Variants in CDH22 observed in about 807,000 individuals in gnomAD.
CDH22 encodes cadherin-22.
CDH22 carries 30 observed loss-of-function variants against 58.4 expected under a neutral mutation model. The observed-to-expected ratio is 0.51, with a 90% CI of 0.38 to 0.70. The LOEUF (loss-of-function observed/expected upper bound fraction) is 0.70, where lower values mean the gene tolerates loss of function less well. Among genes scored for constraint, CDH22 ranks in the 30% least tolerant of loss-of-function variants. CDH22 has a pLI of 0.00. For missense variants in CDH22, 1,014 were observed against 1,233.9 expected (o/e 0.82, Z 2.67); for synonymous variants, 513 against 558.2 (o/e 0.92, Z 1.14).
chr20:46,176,184 C>T (rs983915639), intron 11 of CDH22, among the ~76,000 whole-genome samples: 1 of 152,156 alleles, frequency 6.6e-6, no homozygotes, highest in Non-Finnish European at 1.5e-5. Flanking sequence ...TGTCCATGCT[C>T]CCTCTCTTGG....
chr20:46,269,912 G>T (rs1000089059), intron 1 of CDH22, among the ~76,000 whole-genome samples: 38 of 152,180 alleles, frequency 2.5e-4, no homozygotes, highest in African/African-American at 8.9e-4. Flanking sequence ...GCTGAGGTCT[G>T]ATTCATCTCC....
intron 1 of CDH22, among the ~76,000 whole-genome samples, chr20:46,289,077 T>C (rs1007112840): frequency 5.9e-5 from 9 of 152,208 alleles, no homozygotes; most frequent in Non-Finnish European, 1.3e-4. Context: ...TCTCCCTCTA[T>C]TTCAGCCACA....
chr20:46,225,015 C>T (rs2086160728), intron 4 of CDH22, among the ~76,000 whole-genome samples: 1 of 152,206 alleles, frequency 6.6e-6, no homozygotes, highest in Non-Finnish European at 1.5e-5. Context: ...AGCAGCAGCC[C>T]AAGGGATCTT....
chr20:46,208,321 C>A (rs924105796), intron 7 of CDH22, among the ~76,000 whole-genome samples: 6 of 152,198 alleles, frequency 3.9e-5, no homozygotes, highest in Non-Finnish European at 7.4e-5. Context: ...ATACTTACAG[C>A]TCCCAGACCC....
Position 46,174,864 on chromosome 20 carries a change from G to T in CDH22, c.2129C>A (p.Ala710Glu). ...GDGGGSAGGG[A>E]GGGSGGGAGS... ...CGCGCCCCCGCCCGAGCCCCCGCCCGCTCCCCCGCCCGCGCTGCCGCCCCC... is the reference window on the plus strand; with the variant it reads ...CGCGCCCCCGCCCGAGCCCCCGCCCTCTCCCCCGCCCGCGCTGCCGCCCCC... Residue 710 changes from alanine (A) to glutamate (E), a missense_variant, in exon 12 of 12, where the codon GCG becomes GAG. Physicochemically the swap from Ala to Glu is moderately radical, Grantham distance 107 (BLOSUM62 -1). Coordinates refer to ENST00000537909, the MANE Select transcript of CDH22 (RefSeq NM_021248.3). This position sits in a 1 kb window ranked among gnomAD's most constrained non-coding sequence, Gnocchi z 4.4. 17 of 283,922 alleles carry T rather than the reference G, an allele frequency of 6.0e-5. No individual in the cohort carries two copies. Among genetic ancestry groups the T allele is most frequent in the Non-Finnish European group, 9.2e-5 (17 of 184,730 alleles). The allele number at this position is 283,922 out of a possible 1,614,324, so 17.6% of individuals were successfully genotyped here. A position where few individuals can be genotyped will look rare whatever the true frequency, so the allele number is the denominator to read the frequency against.
chr20:46,200,445 ATTTTT>A (rs557626664), intron 7 of CDH22, among the ~76,000 whole-genome samples: 1 of 130,500 alleles, frequency 7.7e-6, no homozygotes, highest in South Asian at 2.4e-4. Context: ...CGCCCAGCTA[ATTTTT>A]TTTTTTTTTT....
At chr20:46,175,204 T>A in intron 11 of CDH22, 127 bp from the exon 12 acceptor site, 1 of 877,686 alleles carries the variant, frequency 1.1e-6, no homozygotes, top group Non-Finnish European at 1.7e-6. Context: ...TCCTACAGAT[T>A]TCCTGGATTT....
intron 1 of CDH22, among the ~76,000 whole-genome samples, chr20:46,301,759 C>T (rs938840076): frequency 1.3e-5 from 2 of 151,952 alleles, no homozygotes; most frequent in Non-Finnish European, 2.9e-5. Flanking sequence ...TGCAGTGAAC[C>T]GAGATTGCGC....
intron 6 of CDH22, among the ~76,000 whole-genome samples, chr20:46,212,191 A>G (rs1281231622): frequency 3.3e-5 from 5 of 152,230 alleles, no homozygotes. Context: ...TGATAGGCAC[A>G]GATTTAAGGA....
intron 8 of CDH22, among the ~76,000 whole-genome samples, chr20:46,197,391 A>G (rs562673310): frequency 2.5e-4 from 38 of 152,188 alleles, no homozygotes; most frequent in Admixed American, 2.4e-3. Context: ...ATGAAATGGC[A>G]GCCTTACAGG....
chr20:46,267,426 C>T (rs1411869566), intron 1 of CDH22, among the ~76,000 whole-genome samples: 1 of 152,226 alleles, frequency 6.6e-6, no homozygotes, highest in Non-Finnish European at 1.5e-5. Context: ...AGGCAATTGT[C>T]ACACCATCCT....
chr20:46,283,243 C>A (rs2145769457), intron 1 of CDH22, among the ~76,000 whole-genome samples: 1 of 152,266 alleles, frequency 6.6e-6, no homozygotes, highest in African/African-American at 2.4e-5. Flanking sequence ...CCTCCAAGTG[C>A]ACTGGGAATG....
At chr20:46,176,438 A>G (rs1370747275) in intron 11 of CDH22, among the ~76,000 whole-genome samples, 1 of 152,152 alleles carries the variant, frequency 6.6e-6, no homozygotes, top group Non-Finnish European at 1.5e-5. Flanking sequence ...CGACTTTTCA[A>G]TTACTCAGGG....
At chr20:46,293,469 T>C (rs910147824) in intron 1 of CDH22, among the ~76,000 whole-genome samples, 9 of 151,804 alleles carry the variant, frequency 5.9e-5, no homozygotes, top group Non-Finnish European at 1.2e-4. Flanking sequence ...TGTTTCTGAA[T>C]GTGCAGTCTC....
intron 1 of CDH22, among the ~76,000 whole-genome samples, chr20:46,279,235 C>T (rs1425198239): frequency 6.6e-6 from 1 of 152,112 alleles, no homozygotes; most frequent in East Asian, 1.9e-4. Context: ...ATTAATAAGC[C>T]CCACCCTGGT....
chr20:46,186,717 G>A lies in CDH22; in HGVS notation c.1546-12C>T, dbSNP rs763948297. 3.7e-6 allele frequency: 6 copies of A among 1,612,564 alleles called. No homozygotes were observed. Among genetic ancestry groups the A allele is most frequent in the South Asian group, 1.1e-5 (1 of 90,910 alleles). On this transcript the variant is annotated splice_polypyrimidine_tract_variant and intron_variant, in intron 9 of 11. Transcript: ENST00000537909. The stretch of plus-strand genomic sequence containing the variant: ...ATGGTCTGGATGAGCTGAAGGGTGA[G>A]GAGGGGATAGAGGGCTAGTGGTGAG...
chr20:46,238,496 G>T (rs2086269234), intron 3 of CDH22, among the ~76,000 whole-genome samples: 1 of 151,888 alleles, frequency 6.6e-6, no homozygotes, highest in African/African-American at 2.4e-5. Context: ...CAACTCTCTT[G>T]TTCAAGATCT....
chr20:46,281,424 G>A (rs950350884), intron 1 of CDH22, among the ~76,000 whole-genome samples: 2 of 150,324 alleles, frequency 1.3e-5, no homozygotes, highest in Non-Finnish European at 3.0e-5. Flanking sequence ...AACCTGTGAT[G>A]TATATGAGGA....
At chr20:46,254,974 C>T (rs1416069046) in intron 1 of CDH22, among the ~76,000 whole-genome samples, 2 of 152,026 alleles carry the variant, frequency 1.3e-5, no homozygotes, top group African/African-American at 4.8e-5. Flanking sequence ...GAAGGGCTGT[C>T]CAAGGCAAAG....
Sources: allele counts gnomAD v4.1 joint callset (sites outside exome capture counted in the v4.1 genomes callset), GRCh38; gene constraint gnomAD v4.1.1; non-coding constraint Gnocchi (gnomAD v3.1); transcripts MANE v1.5; gene names NCBI Gene and HGNC (gene_info 2026-07-23, HGNC 2026-07-21).